Variants in SMC1A observed in about 807,000 individuals in gnomAD.
The protein encoded by SMC1A is structural maintenance of chromosomes protein 1A.
Under a neutral mutation model 94.5 loss-of-function variants are expected in SMC1A, and 4 were observed. That is an observed-to-expected ratio of 0.04 (90% CI 0.02 to 0.10). The LOEUF (loss-of-function observed/expected upper bound fraction) is 0.10, where lower values mean the gene tolerates loss of function less well. Among genes scored for constraint, SMC1A ranks in the 10% least tolerant of loss-of-function variants. The pLI is 1.00. For synonymous variants in SMC1A, 345 were observed against 347.7 expected (o/e 0.99, Z 0.09); for missense variants, 304 against 989.0 (o/e 0.31, Z 9.29).
intron 19 of SMC1A, among the ~76,000 whole-genome samples, chrX:53,389,990 C>T (rs1021020152): frequency 9.6e-6 from 1 of 104,300 alleles, no homozygotes; most frequent in Non-Finnish European, 2.0e-5. Flanking sequence ...GCTGGGACTA[C>T]AGGCACGTGC....
intron 24 of SMC1A, 121 bp downstream of exon 24, chrX:53,380,499 C>A: frequency 1.9e-6 from 1 of 531,989 alleles, no homozygotes; most frequent in South Asian, 2.6e-5. Flanking sequence ...GCCCAAATGG[C>A]CATTCAGGAC....
intron 22 of SMC1A, 92 bp from the exon 23 acceptor site, chrX:53,381,179 G>GAT: frequency 3.7e-6 from 2 of 545,683 alleles, no homozygotes; most frequent in African/African-American, 2.3e-5. Context: ...AAACAGGCCA[G>GAT]CTTCCCACTC....
At chrX:53,390,664 C>T (rs1297504827) in intron 19 of SMC1A, among the ~76,000 whole-genome samples, 1 of 109,235 alleles carries the variant, frequency 9.2e-6, no homozygotes, top group Non-Finnish European at 1.9e-5. Context: ...TGAAGTGGTT[C>T]CCACTGGCCA....
intron 19 of SMC1A, among the ~76,000 whole-genome samples, chrX:53,393,270 G>A (rs1208374528): frequency 9.0e-6 from 1 of 110,852 alleles, no homozygotes. Flanking sequence ...AATCTAGAAT[G>A]CAGACAATTC....
chrX:53,385,727 A>C (rs1301683722), intron 19 of SMC1A, among the ~76,000 whole-genome samples: 1 of 111,915 alleles, frequency 8.9e-6, no homozygotes, highest in Non-Finnish European at 1.9e-5. Context: ...AGGGTTATCT[A>C]TCGAGAAAGA....
Position 53,412,866 on chromosome X carries a change from T to A in SMC1A, c.854+34A>T, listed in dbSNP as rs782088000. 6.6e-6 allele frequency: 8 copies of A among 1,211,235 alleles called. No individual in the cohort carries two copies. The South Asian group carries it at 1.4e-4, about 21-fold the overall frequency. Reference sequence around the variant, plus strand: ...TAATAAACAGCACGGCCTCTTGGTTTCCCACAAGTTGCAGGCCCAGGTCTG... The same window carrying A: ...TAATAAACAGCACGGCCTCTTGGTTACCCACAAGTTGCAGGCCCAGGTCTG... On this transcript the variant is annotated intron_variant, in intron 5 of 24. Transcript: ENST00000322213.
At chrX:53,407,572 T>G (rs1468564613) in intron 9 of SMC1A, among the ~76,000 whole-genome samples, 1 of 112,135 alleles carries the variant, frequency 8.9e-6, no homozygotes. Flanking sequence ...TCTCGGGAAC[T>G]GTAATTTATA....
chrX:53,413,733 G>C (rs782355632), intron 3 of SMC1A, among the ~76,000 whole-genome samples: 3 of 111,405 alleles, frequency 2.7e-5, no homozygotes, highest in Non-Finnish European at 5.6e-5. Context: ...TCCCAAAGGT[G>C]ACATCTGTGC....
In SMC1A at chrX:53,376,443, A is replaced by T. The variant is rs1205506194; in HGVS notation, c.*3660T>A. The T allele has an allele frequency of 8.9e-6, 1 of 111,746 alleles. No homozygotes were observed. Among genetic ancestry groups the T allele is most frequent in the Non-Finnish European group, 1.9e-5 (1 of 53,133 alleles). The allele number at this position is 111,746 out of a possible 1,213,427, so 9.2% of individuals were successfully genotyped here. On this transcript the variant is annotated 3_prime_UTR_variant, in exon 25 of 25. Coordinates refer to ENST00000322213, the MANE Select transcript of SMC1A (RefSeq NM_006306.4). ...AGAATGCCGTACCTGTTTGTGGTATACAGCCAGTTTGGGAACCACACTGTC... is the reference window on the plus strand; with the variant it reads ...AGAATGCCGTACCTGTTTGTGGTATTCAGCCAGTTTGGGAACCACACTGTC...
At chrX:53,381,139 A>AT in intron 22 of SMC1A, 52 bp from the exon 23 acceptor site, 2 of 406,720 alleles carry the variant, frequency 4.9e-6, no homozygotes, top group African/African-American at 2.6e-5. Context: ...GGGGGTGGCA[A>AT]GGCGGGGTGG....
chrX:53,394,745 C>A, intron 19 of SMC1A, 33 bp downstream of exon 19: 2 of 617,691 alleles, frequency 3.2e-6, no homozygotes, highest in Non-Finnish European at 5.3e-6. Context: ...ACCCAACCCC[C>A]ACCCCCACCA....
intron 16 of SMC1A, among the ~76,000 whole-genome samples, chrX:53,398,290 T>C (rs782233850): frequency 2.1e-4 from 23 of 108,949 alleles, no homozygotes; most frequent in Non-Finnish European, 3.6e-4. Context: ...CAGACATAAG[T>C]CAAACAATAA....
At position 53,381,092 on chromosome X, in the gene SMC1A, G is replaced by A; in HGVS notation, c.3438-5C>T. ...AAGAAGGGGGCTGGCTTGTAGCTGG[G>A]AGGGAACCAGTAGGTGAGCTGACAC... On this transcript the variant is annotated splice_region_variant and splice_polypyrimidine_tract_variant and intron_variant, in intron 22 of 24. Transcript: ENST00000322213. 8.6e-7 allele frequency: 1 copy of A among 1,165,290 alleles called. No homozygotes were observed. Among genetic ancestry groups the A allele is most frequent in the Non-Finnish European group, 1.2e-6 (1 of 858,248 alleles).
intron 20 of SMC1A, 101 bp from the exon 21 acceptor site, chrX:53,382,761 T>A: frequency 9.9e-7 from 1 of 1,006,582 alleles, no homozygotes; most frequent in Non-Finnish European, 1.4e-6. Context: ...GAGGAATGCC[T>A]GAGGAGGGTC....
intron 1 of SMC1A, among the ~76,000 whole-genome samples, chrX:53,419,499 C>T (rs996008731): frequency 1.9e-5 from 2 of 107,501 alleles, no homozygotes; most frequent in East Asian, 5.7e-4. Context: ...TGTATGCCAG[C>T]CTTGGTGACA....
At chrX:53,421,931 C>G in intron 1 of SMC1A, 2 of 1,209,855 alleles carry the variant, frequency 1.7e-6, no homozygotes, top group Non-Finnish European at 2.2e-6. Context: ...ATCGACACCT[C>G]AAGCATTCTA....
chrX:53,404,861 C>G, intron 13 of SMC1A, 151 bp downstream of exon 13: 1 of 608,735 alleles, frequency 1.6e-6, no homozygotes, highest in East Asian at 3.6e-5. Context: ...AAGCTCTGAA[C>G]CCCTGGCTGT....
chrX:53,418,799 T>G (rs1556891621), intron 1 of SMC1A, among the ~76,000 whole-genome samples: 1 of 111,342 alleles, frequency 9.0e-6, no homozygotes, highest in Non-Finnish European at 1.9e-5. Context: ...TCCCAGCACT[T>G]TGAAAGGCCG....
chrX:53,402,003 T>C (rs1168664726), intron 15 of SMC1A, among the ~76,000 whole-genome samples: 3 of 110,763 alleles, frequency 2.7e-5, no homozygotes, highest in African/African-American at 9.9e-5. Flanking sequence ...TTATTTTTCC[T>C]GTTGTTGATT....
Sources: gnomAD v4.1 joint callset for allele counts (sites outside exome capture counted in the v4.1 genomes callset) on GRCh38, gnomAD v4.1.1 for gene constraint, MANE v1.5 for transcripts, NCBI Gene and HGNC (gene_info 2026-07-23, HGNC 2026-07-21) for gene names.